The following RABGAP1L variants were observed in gnomAD, a reference collection of about 807,000 sequenced individuals.
RABGAP1L encodes rab GTPase-activating protein 1-like.
A neutral mutation model predicts 137.7 loss-of-function variants in RABGAP1L; 63 were observed. The ratio of observed to expected loss-of-function variants is 0.46; its 90% CI spans 0.37 to 0.56. The LOEUF is 0.56. RABGAP1L is among the 20% of genes least tolerant of loss of function. The probability of loss-of-function intolerance (pLI) is 0.00; values close to 1 mark genes in which losing one functional copy is unlikely to be tolerated. For synonymous variants in RABGAP1L, 431 were observed against 433.7 expected, an observed-to-expected ratio of 0.99 and a Z score of 0.08; for missense variants, 1,095 against 1,244.0, an observed-to-expected ratio of 0.88 and a Z score of 1.80.
At chr1:174,824,840 C>A (rs1317976501) in intron 19 of RABGAP1L, among the ~76,000 whole-genome samples, 1 of 151,996 alleles carries the variant, frequency 6.6e-6, no homozygotes, top group Non-Finnish European at 1.5e-5. Flanking sequence ...ATGGTGGCAG[C>A]AACATGTAAA....
At chr1:174,492,347 ATTTT>A (rs1273015833) in intron 13 of RABGAP1L, among the ~76,000 whole-genome samples, 1 of 124,030 alleles carries the variant, frequency 8.1e-6, no homozygotes. Context: ...CGCCTGACTA[ATTTT>A]TTTTTTTTTT....
chr1:174,747,794 CAATT>C (rs1197091847), intron 17 of RABGAP1L, among the ~76,000 whole-genome samples: 4 of 151,780 alleles, frequency 2.6e-5, no homozygotes, highest in African/African-American at 9.7e-5. Flanking sequence ...TTAATAATGA[CAATT>C]AACAGTAGTT....
At chr1:174,485,446 C>T (rs942894261) in intron 13 of RABGAP1L, among the ~76,000 whole-genome samples, 14 of 152,074 alleles carry the variant, frequency 9.2e-5, no homozygotes, top group Non-Finnish European at 1.3e-4. Context: ...TTCAGTTTTT[C>T]CCAGTTCAGT....
chr1:174,397,994 C>T (rs1648084373), intron 13 of RABGAP1L, among the ~76,000 whole-genome samples: 3 of 152,102 alleles, frequency 2.0e-5, no homozygotes. Context: ...CAAAAAGATA[C>T]AAATCTGAAC....
At chr1:174,375,461 C>T (rs866023592) in intron 12 of RABGAP1L, among the ~76,000 whole-genome samples, 114 of 152,070 alleles carry the variant, frequency 7.5e-4, no homozygotes, top group African/African-American at 2.6e-3. Context: ...AGATAACCAT[C>T]TAACTAGACT....
intron 13 of RABGAP1L, among the ~76,000 whole-genome samples, chr1:174,498,763 G>A (rs185432127): frequency 6.6e-6 from 1 of 150,642 alleles, no homozygotes; most frequent in Non-Finnish European, 1.5e-5. Context: ...TACCAACCTC[G>A]GCCTCCCAAA....
chr1:174,962,892 G>A (rs1669290133), intron 20 of RABGAP1L, among the ~76,000 whole-genome samples: 1 of 152,058 alleles, frequency 6.6e-6, no homozygotes, highest in Admixed American at 6.6e-5. Context: ...GAGGTCAGGA[G>A]TTCAAGACCA....
At chr1:174,740,033 T>G (rs947813531) in intron 17 of RABGAP1L, among the ~76,000 whole-genome samples, 1 of 152,178 alleles carries the variant, frequency 6.6e-6, no homozygotes, top group South Asian at 2.1e-4. Flanking sequence ...TAAAGTTCAC[T>G]CTGTATTTTT....
At chr1:174,287,990 C>T (rs1489082412) in intron 10 of RABGAP1L, among the ~76,000 whole-genome samples, 1 of 151,834 alleles carries the variant, frequency 6.6e-6, no homozygotes, top group East Asian at 1.9e-4. Flanking sequence ...TTTTGTGTAT[C>T]TACTGCAGGA....
chr1:174,430,357 G>GA (rs201831946), intron 13 of RABGAP1L, among the ~76,000 whole-genome samples: 7,749 of 137,678 alleles, frequency 0.056, 314 homozygotes, highest in African/African-American at 0.12. Context: ...GACTCTGTCT[G>GA]AAAAAAAAAA....
intron 1 of RABGAP1L, among the ~76,000 whole-genome samples, chr1:174,172,178 G>T (rs1373207261): frequency 1.6e-4 from 3 of 18,682 alleles, no homozygotes; most frequent in Non-Finnish European, 4.3e-4. Context: ...ATATTCCCTT[G>T]TGTGTGTGTG....
Position 174,448,327 on chromosome 1 carries a change from T to C in RABGAP1L, c.1710+54182T>C. 6.2e-7 allele frequency: 1 copy of C among 1,613,788 alleles called. No homozygotes were observed. Among genetic ancestry groups the C allele is most frequent in the Non-Finnish European group, 8.5e-7 (1 of 1,179,686 alleles). ...TCTTTCATTGTGCTCCACTGTTACA[T>C]CATTATACTACCAGCTATTTCATTC... On this transcript the variant is annotated intron_variant, in intron 13 of 25. Coordinates refer to ENST00000681986, the MANE Select transcript of RABGAP1L (RefSeq NM_001366446.1). This position sits in a 1 kb window ranked among gnomAD's most constrained non-coding sequence, Gnocchi z 4.2.
At chr1:174,825,944 CAT>C (rs1327780439) in intron 19 of RABGAP1L, among the ~76,000 whole-genome samples, 1 of 152,126 alleles carries the variant, frequency 6.6e-6, no homozygotes, top group Non-Finnish European at 1.5e-5. Flanking sequence ...AGGTTTGTCA[CAT>C]GAATATATTG....
At chr1:174,518,193 A>G (rs1663036197) in intron 13 of RABGAP1L, among the ~76,000 whole-genome samples, 4 of 152,206 alleles carry the variant, frequency 2.6e-5, no homozygotes, top group Admixed American at 2.0e-4. Flanking sequence ...AGGTCCAGGC[A>G]AGAGTATGTT....
intron 13 of RABGAP1L, among the ~76,000 whole-genome samples, chr1:174,612,843 T>G (rs2148220457): frequency 6.6e-6 from 1 of 152,314 alleles, no homozygotes; most frequent in South Asian, 2.1e-4. Flanking sequence ...TTTATTTGCG[T>G]AGAGGTATTT....
At chr1:174,958,827 C>G (rs1668842327) in intron 20 of RABGAP1L, among the ~76,000 whole-genome samples, 4 of 152,172 alleles carry the variant, frequency 2.6e-5, no homozygotes, top group African/African-American at 9.7e-5. Flanking sequence ...CATTCAGCAT[C>G]TTCGACTAGT....
At chr1:174,423,116 T>C (rs1261265859) in intron 13 of RABGAP1L, among the ~76,000 whole-genome samples, 3 of 152,158 alleles carry the variant, frequency 2.0e-5, no homozygotes, top group Admixed American at 1.3e-4. Context: ...TATTTCCCTT[T>C]TTTGAAATGA....
At chr1:174,311,253 A>G (rs894069467) in intron 11 of RABGAP1L, among the ~76,000 whole-genome samples, 1 of 152,156 alleles carries the variant, frequency 6.6e-6, no homozygotes, top group Non-Finnish European at 1.5e-5. Context: ...GGCAGGAGAG[A>G]GAGTGAGAGA....
intron 19 of RABGAP1L, among the ~76,000 whole-genome samples, chr1:174,908,584 C>T (rs1386149106): frequency 6.9e-6 from 1 of 145,010 alleles, no homozygotes; most frequent in Non-Finnish European, 1.5e-5. Flanking sequence ...ACTTTGTTGC[C>T]CAGGCTGGAG....
Sources: gnomAD v4.1 joint callset for allele counts (sites outside exome capture counted in the v4.1 genomes callset) on GRCh38, gnomAD v4.1.1 for gene constraint, Gnocchi (gnomAD v3.1) non-coding constraint, MANE v1.5 for transcripts, NCBI Gene and HGNC (gene_info 2026-07-23, HGNC 2026-07-21) for gene names.